Variants in GABPB2 observed in about 807,000 individuals in gnomAD.
The protein encoded by GABPB2 is GA-binding protein subunit beta-2.
GABPB2 carries 23 observed loss-of-function variants against 39.1 expected under a neutral mutation model. The ratio of observed to expected loss-of-function variants is 0.59; its 90% confidence interval spans 0.42 to 0.83. The LOEUF (loss-of-function observed/expected upper bound fraction) is 0.83. GABPB2 is among the 40% of genes least tolerant of loss of function. The probability of loss-of-function intolerance (pLI) is 0.00; values close to 1 mark genes in which losing one functional copy is unlikely to be tolerated. For synonymous variants in GABPB2, 184 were observed against 199.3 expected, an observed-to-expected ratio of 0.92 and a Z score of 0.65; for missense variants, 467 against 541.1, an observed-to-expected ratio of 0.86 and a Z score of 1.36.
At chr1:151,095,791 T>G (rs958638804) in intron 4 of GABPB2, among the ~76,000 whole-genome samples, 12 of 152,258 alleles carry the variant, frequency 7.9e-5, no homozygotes, top group African/African-American at 1.9e-4. Context: ...CCTAGCACTT[T>G]GGGAGGCCGA....
intron 1 of GABPB2, among the ~76,000 whole-genome samples, chr1:151,081,128 C>T (rs1677653254): frequency 6.6e-6 from 1 of 151,402 alleles, no homozygotes; most frequent in Admixed American, 6.6e-5. Flanking sequence ...CCGTCTCGGC[C>T]TCCCAAAGTG....
At chr1:151,077,602 C>T (rs112234060) in intron 1 of GABPB2, among the ~76,000 whole-genome samples, 3,204 of 151,764 alleles carry the variant, frequency 0.021, 102 homozygotes, top group African/African-American at 0.073. Flanking sequence ...TGATCCGCCG[C>T]GCCCGGCCAC....
rs752685829 is a variant in GABPB2 at position 151,119,920 on chromosome 1, C to CA, written c.*1679dup. The CA allele has an allele frequency of 0.018, 1,674 of 93,972 alleles. 23 individuals carry two copies. Among genetic ancestry groups the CA allele is most frequent in the African/African-American group, 0.055 (1,405 of 25,578 alleles). The allele number at this position is 93,972 out of a possible 1,614,324, so 5.8% of individuals were successfully genotyped here. A position where few individuals can be genotyped will look rare whatever the true frequency, so the allele number is the denominator to read the frequency against. On this transcript the variant is annotated 3_prime_UTR_variant, in exon 9 of 9. Coordinates refer to ENST00000368918, the MANE Select transcript of GABPB2 (RefSeq NM_144618.3). Reference sequence around the variant, plus strand: ...TGGGCAACAGAGCCAGACTCTGTCTCAAAAAAAAAAAAAAAGGAAATTGAA... The same window carrying CA: ...TGGGCAACAGAGCCAGACTCTGTCTCAAAAAAAAAAAAAAAAGGAAATTGAA...
At chr1:151,104,829 T>C (rs28637483) in intron 6 of GABPB2, among the ~76,000 whole-genome samples, 7 of 150,980 alleles carry the variant, frequency 4.6e-5, no homozygotes, top group African/African-American at 1.7e-4. Flanking sequence ...CTTTCTTTCT[T>C]TCTCTTCTCT....
intron 3 of GABPB2, among the ~76,000 whole-genome samples, chr1:151,092,412 T>A (rs924762600): frequency 8.7e-5 from 13 of 148,612 alleles, no homozygotes; most frequent in East Asian, 5.8e-4. Context: ...GCCATTTTTT[T>A]AAAATCATAT....
chr1:151,113,385 G>A (rs1271124879), intron 7 of GABPB2, among the ~76,000 whole-genome samples: 1 of 151,630 alleles, frequency 6.6e-6, no homozygotes, highest in Non-Finnish European at 1.5e-5. Flanking sequence ...AGGAGAATGG[G>A]GTGAACCCCG....
intron 6 of GABPB2, among the ~76,000 whole-genome samples, chr1:151,104,217 C>T (rs1679757148): frequency 6.6e-6 from 1 of 152,122 alleles, no homozygotes; most frequent in Non-Finnish European, 1.5e-5. Context: ...AAAAAGTTTT[C>T]AAGTCATTTA....
intron 7 of GABPB2, among the ~76,000 whole-genome samples, chr1:151,117,106 C>G (rs931445855): frequency 6.6e-6 from 1 of 152,006 alleles, no homozygotes; most frequent in Non-Finnish European, 1.5e-5. Context: ...CCTGTTGATT[C>G]GAAAATTCAA....
At position 151,093,392 on chromosome 1, in the gene GABPB2, G is replaced by T. The variant is rs375385535; in HGVS notation, c.471+6G>T. On this transcript the variant is annotated splice_donor_region_variant and intron_variant, in intron 4 of 8. Transcript: ENST00000368918. Reference sequence around the variant, plus strand: ...AGATTTTGGTCATCCTCCAGGTGTGGTTCTTTTTATACTCTCCAGAATGTA... The same window carrying T: ...AGATTTTGGTCATCCTCCAGGTGTGTTTCTTTTTATACTCTCCAGAATGTA... The T allele has an allele frequency of 6.2e-5, 98 of 1,573,626 alleles. No homozygotes were observed. The highest frequency in any genetic ancestry group is 8.2e-5 in the Non-Finnish European group (95 of 1,160,072).
chr1:151,090,132 C>T (rs1003668303), intron 2 of GABPB2, among the ~76,000 whole-genome samples: 1 of 151,854 alleles, frequency 6.6e-6, no homozygotes, highest in Non-Finnish European at 1.5e-5. Context: ...TTAGTTGAGA[C>T]GGGGTTTCAC....
At position 151,097,983 on chromosome 1, in the gene GABPB2, C is replaced by T. The variant is rs587619026; in HGVS notation, c.603C>T (p.Thr201=). ...VVNLASLISS[T]NTKTTSGDPH... The stretch of plus-strand genomic sequence containing the variant: ...ACCTCGCAAGCCTTATTTCTTCAAC[C>T]AACACCAAAACAACCTCAGGTAATG... Residue 201 remains threonine, a synonymous_variant, in exon 5 of 9, where the codon ACC becomes ACT. Coordinates refer to ENST00000368918, the MANE Select transcript of GABPB2 (RefSeq NM_144618.3). 50 of 1,613,976 alleles carry T rather than the reference C, an allele frequency of 3.1e-5. No individual in the cohort carries two copies. The highest frequency in any genetic ancestry group is 5.0e-5 in the Admixed American group (3 of 59,954).
Position 151,111,181 on chromosome 1 carries a change from C to T in GABPB2, c.922+3959C>T, listed in dbSNP as rs117665609. On this transcript the variant is annotated intron_variant, in intron 7 of 8. Transcript: ENST00000368918. ...CTGGAGTGCAGTGGCACGATCATGA[C>T]TTACGGCAGTCTTGATATTCAGGAC... Among the ~76,000 whole-genome samples the T allele has an allele frequency of 2.0e-3, 301 of 152,096 alleles. 6 individuals are homozygous for T. The East Asian group carries it at 0.041, about 21-fold the overall frequency.
Position 151,124,257 on chromosome 1 carries a change from G to T in GABPB2, c.*6001G>T, listed in dbSNP as rs1170264819. ...GCTCATTGCAACCTCTGTCTCCCGG[G>T]TTCAAGCGATTCTTCTGCCTCAGCC... On this transcript the variant is annotated 3_prime_UTR_variant, in exon 9 of 9. Transcript: ENST00000368918. 1 of 151,100 alleles carries T rather than the reference G, an allele frequency of 6.6e-6. No individual in the cohort carries two copies. The highest frequency in any genetic ancestry group is 1.5e-5 in the Non-Finnish European group (1 of 67,870). The allele number at this position is 151,100 out of a possible 1,614,324, so 9.4% of individuals were successfully genotyped here. A position where few individuals can be genotyped will look rare whatever the true frequency, so the allele number is the denominator to read the frequency against.
intron 7 of GABPB2, among the ~76,000 whole-genome samples, chr1:151,109,364 A>ACACAAATATATATATATATTTTT (rs1680218419): frequency 8.9e-6 from 1 of 112,394 alleles, no homozygotes; most frequent in Non-Finnish European, 1.7e-5. Context: ...ATATATATAT[A>ACACAAATATATATATATATTTTT]TTTTTTTTTT....
chr1:151,076,572 G>A (rs1002267170), intron 1 of GABPB2, among the ~76,000 whole-genome samples: 17 of 151,762 alleles, frequency 1.1e-4, no homozygotes, highest in African/African-American at 4.1e-4. Flanking sequence ...TGGGATTACA[G>A]GCATATGCCA....
chr1:151,091,496 A>G (rs1678706347), intron 3 of GABPB2, among the ~76,000 whole-genome samples: 1 of 121,832 alleles, frequency 8.2e-6, no homozygotes, highest in African/African-American at 3.1e-5. Context: ...AAAAAAAAAG[A>G]TGAAGTCTCG....
intron 1 of GABPB2, among the ~76,000 whole-genome samples, chr1:151,084,137 C>T (rs587739437): frequency 6.6e-6 from 1 of 151,746 alleles, no homozygotes; most frequent in Admixed American, 6.6e-5. Context: ...GTCTCTTACT[C>T]CTGGGCTGAA....
chr1:151,098,537 A>C (rs1679281447), intron 5 of GABPB2, among the ~76,000 whole-genome samples: 1 of 152,006 alleles, frequency 6.6e-6, no homozygotes, highest in Non-Finnish European at 1.5e-5. Flanking sequence ...TGTACAGATT[A>C]ATCTATTGAA....
At chr1:151,092,100 A>ATT (rs34298127) in intron 3 of GABPB2, among the ~76,000 whole-genome samples, 27 of 58,096 alleles carry the variant, frequency 4.6e-4, no homozygotes, top group African/African-American at 1.2e-3. Flanking sequence ...CAGTTTTCTA[A>ATT]TTTTTTTTTT....
Sources: gnomAD v4.1 joint callset for allele counts (sites outside exome capture counted in the v4.1 genomes callset) on GRCh38, gnomAD v4.1.1 for gene constraint, MANE v1.5 for transcripts, NCBI Gene and HGNC (gene_info 2026-07-23, HGNC 2026-07-21) for gene names.